The following MTUS1 variants were observed in gnomAD, a reference collection of about 807,000 sequenced individuals.
MTUS1 encodes the protein microtubule-associated tumor suppressor 1.
MTUS1 carries 109 observed loss-of-function variants against 120.8 expected under a neutral mutation model. The ratio of observed to expected loss-of-function variants is 0.90; its 90% CI spans 0.77 to 1.06. The LOEUF is 1.06. Ranked by LOEUF, MTUS1 falls within the 50% of genes least tolerant of loss-of-function variation. The pLI is 0.00. For missense variants in MTUS1, 2,210 were observed against 1,486.3 expected (o/e 1.49, Z -8.01); for synonymous variants, 737 against 550.5 (o/e 1.34, Z -4.74).
chr8:17,687,155 A>G (rs1368447192), intron 6 of MTUS1, among the ~76,000 whole-genome samples: 1 of 152,090 alleles, frequency 6.6e-6, no homozygotes, highest in Non-Finnish European at 1.5e-5. Flanking sequence ...TTAAAATGAG[A>G]GCAAATGAGC....
intron 2 of MTUS1, among the ~76,000 whole-genome samples, chr8:17,752,013 C>T (rs1015093032): frequency 5.9e-5 from 9 of 152,098 alleles, no homozygotes; most frequent in South Asian, 4.2e-4. Flanking sequence ...ATTCCTGAGG[C>T]GAAAAGTGCT....
At chr8:17,650,023 G>T in intron 12 of MTUS1, 61 bp from the exon 13 acceptor site, 2 of 899,166 alleles carry the variant, frequency 2.2e-6, no homozygotes, top group Admixed American at 1.8e-5. Flanking sequence ...TTAACAGAAA[G>T]AATCTTTGAT....
intron 1 of MTUS1, among the ~76,000 whole-genome samples, chr8:17,787,749 C>T (rs186905416): frequency 1.2e-3 from 180 of 152,292 alleles, no homozygotes; most frequent in Non-Finnish European, 1.6e-3. Context: ...ACTGTTATGC[C>T]AACAACCTTG....
intron 1 of MTUS1, among the ~76,000 whole-genome samples, chr8:17,794,758 C>T (rs1028205313): frequency 2.0e-5 from 3 of 152,164 alleles, no homozygotes; most frequent in African/African-American, 7.2e-5. Context: ...TGCAAGGTGA[C>T]TTAATCAGAA....
rs1470209176 is a variant in MTUS1 at position 17,754,735 on chromosome 8, T to C, written c.1073A>G (p.Asp358Gly). 6.2e-7 allele frequency: 1 copy of C among 1,614,252 alleles called. No individual in the cohort carries two copies. Among genetic ancestry groups the C allele is most frequent in the Non-Finnish European group, 8.5e-7 (1 of 1,180,050 alleles). The change falls in exon 2 of 15, where the codon GAT becomes GGT. Residue 358 changes from aspartate to glycine, a missense_variant. Asp to Gly is a moderately conservative substitution (Grantham distance 94). Coordinates refer to ENST00000693296, the MANE Select transcript of MTUS1 (RefSeq NM_001363059.2). ...GTTCAGCACTTGAGCTTCGCTCTTA[T>C]CAAAAGCTGGCACCATTAAAGGGCA... ...DECPLMVPAF[D>G]KSEAQVLNPE... is the part of the protein sequence containing the mutation.
intron 7 of MTUS1, among the ~76,000 whole-genome samples, chr8:17,679,709 G>C (rs1202792895): frequency 6.6e-6 from 1 of 152,046 alleles, no homozygotes; most frequent in East Asian, 1.9e-4. Context: ...CGCCATGTTG[G>C]CCAGACTGGT....
chr8:17,664,810 G>T (rs986280701), intron 8 of MTUS1, among the ~76,000 whole-genome samples: 1 of 152,080 alleles, frequency 6.6e-6, no homozygotes, highest in East Asian at 1.9e-4. Flanking sequence ...TTAAGCCAAG[G>T]TCTGATCTGG....
chr8:17,662,293 A>T (rs1290494406), intron 8 of MTUS1, among the ~76,000 whole-genome samples: 13 of 151,870 alleles, frequency 8.6e-5, no homozygotes, highest in Non-Finnish European at 2.9e-5. Flanking sequence ...TGGACATGCG[A>T]ATGTTTGAAA....
chr8:17,716,316 C>G (rs140565339), intron 4 of MTUS1, among the ~76,000 whole-genome samples: 10 of 152,326 alleles, frequency 6.6e-5, no homozygotes, highest in African/African-American at 2.4e-4. Flanking sequence ...CAGTAACATA[C>G]AGACTCCTTG....
chr8:17,740,011 G>T (rs1200059873), intron 3 of MTUS1, among the ~76,000 whole-genome samples: 2 of 152,126 alleles, frequency 1.3e-5, no homozygotes, highest in African/African-American at 4.8e-5. Flanking sequence ...TTCGAGACCG[G>T]CCTGGCCAAC....
chr8:17,708,435 AAGAC>A (rs1165774707), intron 6 of MTUS1, among the ~76,000 whole-genome samples: 3 of 152,168 alleles, frequency 2.0e-5, no homozygotes, highest in Admixed American at 2.0e-4. Flanking sequence ...TATAATAAAA[AAGAC>A]AGACAAAGCC....
intron 2 of MTUS1, among the ~76,000 whole-genome samples, chr8:17,745,835 G>C (rs1248157535): frequency 6.6e-6 from 1 of 152,182 alleles, no homozygotes; most frequent in Non-Finnish European, 1.5e-5. Context: ...ATTTGGATCT[G>C]TGTCCCCACC....
chr8:17,680,875 C>T (rs1049845826), intron 7 of MTUS1, among the ~76,000 whole-genome samples: 1 of 152,100 alleles, frequency 6.6e-6, no homozygotes, highest in African/African-American at 2.4e-5. Context: ...AAATTGACTC[C>T]CGGGCCTTCG....
At chr8:17,657,249 G>A (rs960320572) in intron 8 of MTUS1, among the ~76,000 whole-genome samples, 16 of 151,922 alleles carry the variant, frequency 1.1e-4, no homozygotes, top group Admixed American at 9.8e-4. Context: ...GCCAGGCACG[G>A]TGGTTTGTGC....
chr8:17,790,178 C>T (rs758343338), intron 1 of MTUS1, among the ~76,000 whole-genome samples: 3 of 151,958 alleles, frequency 2.0e-5, no homozygotes, highest in Non-Finnish European at 4.4e-5. Context: ...GAAGCCCCAC[C>T]TCTAATAAAA....
At chr8:17,649,033 GTTAA>G (rs1198040488) in intron 13 of MTUS1, among the ~76,000 whole-genome samples, 1 of 152,188 alleles carries the variant, frequency 6.6e-6, no homozygotes, top group African/African-American at 2.4e-5. Flanking sequence ...CAAAGTGAAT[GTTAA>G]TTCATATTTT....
intron 7 of MTUS1, among the ~76,000 whole-genome samples, chr8:17,680,085 C>T (rs956809242): frequency 2.6e-5 from 4 of 152,136 alleles, no homozygotes; most frequent in African/African-American, 9.6e-5. Flanking sequence ...TCTAATATAA[C>T]ACAGACAATG....
chr8:17,771,455 C>G (rs966956779), intron 1 of MTUS1, among the ~76,000 whole-genome samples: 2 of 152,244 alleles, frequency 1.3e-5, no homozygotes, highest in Non-Finnish European at 2.9e-5. Context: ...CTTTCACAGA[C>G]ATTGCAATTA....
chr8:17,770,640 A>G (rs1252558676), intron 1 of MTUS1: 1 of 152,246 alleles, frequency 6.6e-6, no homozygotes, highest in African/African-American at 2.4e-5. Flanking sequence ...ATGATTATTC[A>G]AAGACAGTTC....
Sources: allele counts gnomAD v4.1 joint callset (sites outside exome capture counted in the v4.1 genomes callset), GRCh38; gene constraint gnomAD v4.1.1; transcripts MANE v1.5; gene names NCBI Gene and HGNC (gene_info 2026-07-23, HGNC 2026-07-21).